GALNTL6: variants seen among roughly 807,000 people sequenced by gnomAD.
The protein encoded by GALNTL6 is polypeptide N-acetylgalactosaminyltransferase-like 6.
In GALNTL6, 46 loss-of-function variants were observed where a neutral mutation model predicts 73.7. The ratio of observed to expected loss-of-function variants is 0.62; its 90% CI spans 0.49 to 0.80. GALNTL6 has a LOEUF of 0.80. Among genes scored for constraint, GALNTL6 ranks in the 30% least tolerant of loss-of-function variants. The pLI, the probability that GALNTL6 is intolerant of heterozygous loss-of-function variation, is 0.00. For synonymous variants in GALNTL6, 259 were observed against 263.7 expected (o/e 0.98, Z 0.17); for missense variants, 604 against 755.0 (o/e 0.80, Z 2.34).
chr4:172,576,254 C>T (rs1451195905), intron 5 of GALNTL6, among the ~76,000 whole-genome samples: 29 of 151,976 alleles, frequency 1.9e-4, no homozygotes, highest in Admixed American at 1.7e-3. Flanking sequence ...GACCAGGAAC[C>T]GGGGGAGACT....
At chr4:171,950,639 C>T (rs1456685480) in intron 2 of GALNTL6, among the ~76,000 whole-genome samples, 1 of 151,950 alleles carries the variant, frequency 6.6e-6, no homozygotes, top group Non-Finnish European at 1.5e-5. Flanking sequence ...ACCACCACGC[C>T]AGGCTAATTT....
At chr4:172,399,569 A>G (rs949713358) in intron 5 of GALNTL6, among the ~76,000 whole-genome samples, 4 of 152,090 alleles carry the variant, frequency 2.6e-5, no homozygotes, top group African/African-American at 4.8e-5. Context: ...CCCCCATACT[A>G]CATTCTAACA....
intron 2 of GALNTL6, among the ~76,000 whole-genome samples, chr4:172,168,477 C>T (rs183165975): frequency 3.9e-5 from 6 of 152,020 alleles, no homozygotes; most frequent in East Asian, 1.9e-4. Context: ...CTATCCAGTG[C>T]GGATGATGAT....
At chr4:172,875,587 G>A (rs1468097395) in intron 7 of GALNTL6, among the ~76,000 whole-genome samples, 1 of 152,032 alleles carries the variant, frequency 6.6e-6, no homozygotes, top group Non-Finnish European at 1.5e-5. Context: ...GGTGACCCCA[G>A]CAGATTGTTT....
chr4:172,083,023 C>A (rs2110924771), intron 2 of GALNTL6, among the ~76,000 whole-genome samples: 1 of 152,256 alleles, frequency 6.6e-6, no homozygotes, highest in East Asian at 1.9e-4. Context: ...TTCCTCTCAG[C>A]TCATAGTAGT....
At chr4:172,966,880 G>A (rs1303986297) in intron 10 of GALNTL6, among the ~76,000 whole-genome samples, 1 of 151,940 alleles carries the variant, frequency 6.6e-6, no homozygotes, top group East Asian at 1.9e-4. Context: ...GAAGTGTGGT[G>A]ACTGTGCCGC....
intron 5 of GALNTL6, among the ~76,000 whole-genome samples, chr4:172,767,672 T>TTTC (rs1560938934): frequency 6.8e-6 from 1 of 146,958 alleles, no homozygotes; most frequent in Non-Finnish European, 1.5e-5. Context: ...TTTTTCTTTT[T>TTTC]TTTTTTTTTT....
intron 5 of GALNTL6, among the ~76,000 whole-genome samples, chr4:172,476,658 A>C (rs1489072346): frequency 6.6e-6 from 1 of 152,154 alleles, no homozygotes; most frequent in Non-Finnish European, 1.5e-5. Flanking sequence ...GGAGCGCTGA[A>C]TAAACTACCG....
chr4:171,904,990 G>A (rs7438154), intron 2 of GALNTL6, among the ~76,000 whole-genome samples: 3,322 of 152,206 alleles, frequency 0.022, 94 homozygotes, highest in African/African-American at 0.07. Flanking sequence ...AGCTCCTGAA[G>A]GAAGCGCTAA....
intron 5 of GALNTL6, among the ~76,000 whole-genome samples, chr4:172,616,351 C>G (rs1738730513): frequency 6.6e-6 from 1 of 152,044 alleles, no homozygotes; most frequent in Admixed American, 6.6e-5. Flanking sequence ...TCCTAACTGA[C>G]TTCTTCAGAA....
At chr4:172,305,908 A>G (rs2654773) in intron 3 of GALNTL6, among the ~76,000 whole-genome samples, 122,554 of 151,994 alleles carry the variant, frequency 0.81, 49,986 homozygotes, top group Non-Finnish European at 0.87. Context: ...AAATTGATGT[A>G]CAAATAAAAT....
chr4:172,360,515 G>A (rs1449909290), intron 5 of GALNTL6, among the ~76,000 whole-genome samples: 1 of 152,152 alleles, frequency 6.6e-6, no homozygotes, highest in African/African-American at 2.4e-5. Context: ...CTAGGGTACA[G>A]ATAACTTATT....
intron 2 of GALNTL6, among the ~76,000 whole-genome samples, chr4:171,995,108 G>T (rs1470129880): frequency 6.6e-6 from 1 of 151,820 alleles, no homozygotes; most frequent in Non-Finnish European, 1.5e-5. Flanking sequence ...TAAAACAATA[G>T]TAAAATGCAT....
At chr4:172,835,244 T>C (rs1742844175) in intron 7 of GALNTL6, among the ~76,000 whole-genome samples, 1 of 152,180 alleles carries the variant, frequency 6.6e-6, no homozygotes, top group Admixed American at 6.5e-5. Context: ...GAGGAGCATG[T>C]TCACAAAACA....
intron 5 of GALNTL6, among the ~76,000 whole-genome samples, chr4:172,774,788 C>T (rs922104265): frequency 6.6e-6 from 1 of 151,856 alleles, no homozygotes; most frequent in East Asian, 1.9e-4. Context: ...GGTGAAACCC[C>T]GTCTCTACTA....
At chr4:171,946,884 G>A (rs1048535558) in intron 2 of GALNTL6, among the ~76,000 whole-genome samples, 9 of 146,696 alleles carry the variant, frequency 6.1e-5, no homozygotes, top group Admixed American at 2.2e-4. Context: ...AGAAGACCCC[G>A]GTAAGGACTC....
intron 5 of GALNTL6, among the ~76,000 whole-genome samples, chr4:172,466,991 GTAT>G (rs2111454572): frequency 6.6e-6 from 1 of 152,180 alleles, no homozygotes; most frequent in South Asian, 2.1e-4. Flanking sequence ...CTTCCACCTT[GTAT>G]TATTAACTGT....
chr4:172,717,277 G>A (rs1735163715), intron 5 of GALNTL6, among the ~76,000 whole-genome samples: 1 of 152,196 alleles, frequency 6.6e-6, no homozygotes, highest in Non-Finnish European at 1.5e-5. Context: ...CATCAGGCTA[G>A]AAAGAGTTTG....
intron 10 of GALNTL6, among the ~76,000 whole-genome samples, chr4:172,955,820 G>A (rs539923145): frequency 2.0e-5 from 3 of 152,062 alleles, no homozygotes; most frequent in Non-Finnish European, 4.4e-5. Context: ...ACAGTCAAAG[G>A]GGGGGTTGTT....
Sources: allele counts gnomAD v4.1 joint callset (sites outside exome capture counted in the v4.1 genomes callset), GRCh38; gene constraint gnomAD v4.1.1; transcripts MANE v1.5; gene names NCBI Gene and HGNC (gene_info 2026-07-23, HGNC 2026-07-21).